NRG3: variants seen among roughly 807,000 people sequenced by gnomAD.
NRG3 encodes the protein pro-neuregulin-3, membrane-bound isoform.
In NRG3, 31 loss-of-function variants were observed where a neutral mutation model predicts 66.9. The observed-to-expected ratio is 0.46, with a 90% CI of 0.35 to 0.63. The LOEUF (loss-of-function observed/expected upper bound fraction) is 0.63, where lower values mean the gene tolerates loss of function less well. NRG3 is among the 20% of genes least tolerant of loss of function. NRG3 has a pLI of 0.00. For synonymous variants in NRG3, 393 were observed against 359.4 expected, an observed-to-expected ratio of 1.09 and a Z score of -1.06; for missense variants, 910 against 878.9, an observed-to-expected ratio of 1.04 and a Z score of -0.45.
At chr10:81,971,214 C>G (rs938862092) in intron 1 of NRG3, among the ~76,000 whole-genome samples, 1 of 152,146 alleles carries the variant, frequency 6.6e-6, no homozygotes. Context: ...AAGCTTCATG[C>G]GCTTCTTTGT....
At chr10:81,909,762 TCA>T (rs1309908050) in intron 1 of NRG3, among the ~76,000 whole-genome samples, 1 of 152,172 alleles carries the variant, frequency 6.6e-6, no homozygotes, top group African/African-American at 2.4e-5. Context: ...CAAAGCACTT[TCA>T]GTTTTTACAG....
chr10:82,925,320 G>C (rs1203681968), intron 4 of NRG3, among the ~76,000 whole-genome samples: 1 of 152,208 alleles, frequency 6.6e-6, no homozygotes, highest in African/African-American at 2.4e-5. Context: ...TCTGGAGCCA[G>C]ACTGCCTGTG....
intron 1 of NRG3, among the ~76,000 whole-genome samples, chr10:82,116,908 T>C (rs1360457078): frequency 6.6e-6 from 1 of 152,252 alleles, no homozygotes; most frequent in African/African-American, 2.4e-5. Context: ...GGAGCTTTGC[T>C]TTCATTATAG....
intron 4 of NRG3, among the ~76,000 whole-genome samples, chr10:82,910,336 AAACT>A (rs1475086386): frequency 6.6e-6 from 1 of 152,236 alleles, no homozygotes; most frequent in Non-Finnish European, 1.5e-5. Flanking sequence ...CCCCAGAAAG[AAACT>A]GACTACAGCT....
chr10:82,510,573 C>T (rs1243617014), intron 2 of NRG3, among the ~76,000 whole-genome samples: 1 of 152,156 alleles, frequency 6.6e-6, no homozygotes, highest in Admixed American at 6.5e-5. Context: ...TTAAAAGAAC[C>T]ATCAAGAAAT....
At chr10:82,957,426 G>A (rs1425712986) in intron 5 of NRG3, among the ~76,000 whole-genome samples, 1 of 151,846 alleles carries the variant, frequency 6.6e-6, no homozygotes, top group Non-Finnish European at 1.5e-5. Flanking sequence ...TGTCAGAGAC[G>A]TTGGAAGACA....
At chr10:82,970,826 A>G (rs556342329) in intron 6 of NRG3, among the ~76,000 whole-genome samples, 1 of 152,206 alleles carries the variant, frequency 6.6e-6, no homozygotes, top group Admixed American at 6.5e-5. Context: ...ATATAGTTTT[A>G]TAAAGGTTTT....
Position 81,951,485 on chromosome 10 carries a change from C to T in NRG3, c.823+75322C>T, listed in dbSNP as rs113469036. 3.9e-3 allele frequency among the ~76,000 whole-genome samples: 600 copies of T among 152,280 alleles called. 2 individuals are homozygous for T. The highest frequency in any genetic ancestry group is 0.014 in the African/African-American group (562 of 41,572). On this transcript the variant is annotated intron_variant, in intron 1 of 8. Transcript: ENST00000372141. ...TCCTACTGCTGAGCTTATACACACA[C>T]ACAGAATTTTCAAACCCAATGTGGC...
Position 82,105,398 on chromosome 10 carries a change from G to C in NRG3, c.823+229235G>C, listed in dbSNP as rs149656334. ...GGTATTATAAATTTCTCTCTAACTTGAGTTTGAGTAGTATCAGAGGTAGTG... is the reference window on the plus strand; with the variant it reads ...GGTATTATAAATTTCTCTCTAACTTCAGTTTGAGTAGTATCAGAGGTAGTG... On this transcript the variant is annotated intron_variant, in intron 1 of 8. Coordinates refer to ENST00000372141, the MANE Select transcript of NRG3 (RefSeq NM_001010848.4). 3.3e-5 allele frequency among the ~76,000 whole-genome samples: 5 copies of C among 152,258 alleles called. No homozygotes were observed. The East Asian group carries it at 9.7e-4, about 29-fold the overall frequency.
Position 82,324,826 on chromosome 10 carries a change from G to A in NRG3, c.824-33913G>A, listed in dbSNP as rs977348101. On this transcript the variant is annotated intron_variant, in intron 1 of 8. Coordinates refer to ENST00000372141, the MANE Select transcript of NRG3 (RefSeq NM_001010848.4). ...ATATTGAAACTTGTTTAATGAACCCGAATATGATCTATCCTAGTAAATGTG... is the reference window on the plus strand; with the variant it reads ...ATATTGAAACTTGTTTAATGAACCCAAATATGATCTATCCTAGTAAATGTG... 5.3e-5 allele frequency among the ~76,000 whole-genome samples: 8 copies of A among 152,240 alleles called. No individual in the cohort carries two copies. The East Asian group carries it at 7.7e-4, about 15-fold the overall frequency.
intron 1 of NRG3, among the ~76,000 whole-genome samples, chr10:82,185,264 C>A (rs757812177): frequency 3.3e-5 from 5 of 152,092 alleles, no homozygotes; most frequent in Admixed American, 6.6e-5. Context: ...TAGGAAGCTG[C>A]AAATGAAAAA....
intron 2 of NRG3, among the ~76,000 whole-genome samples, chr10:82,705,141 A>G (rs1375348617): frequency 6.6e-6 from 1 of 152,236 alleles, no homozygotes; most frequent in Admixed American, 6.5e-5. Context: ...AAAAAACTAT[A>G]GAAAAGGGAA....
At chr10:82,583,391 T>C (rs1458002991) in intron 2 of NRG3, among the ~76,000 whole-genome samples, 1 of 152,174 alleles carries the variant, frequency 6.6e-6, no homozygotes, top group Non-Finnish European at 1.5e-5. Flanking sequence ...CATTTTTCAC[T>C]GTTGAAAATT....
intron 4 of NRG3, among the ~76,000 whole-genome samples, chr10:82,895,486 CTTTT>C (rs57655284): frequency 2.3e-5 from 3 of 128,334 alleles, no homozygotes; most frequent in Non-Finnish European, 4.8e-5. Context: ...CAATAACATT[CTTTT>C]TTTTTTTTTT....
intron 1 of NRG3, among the ~76,000 whole-genome samples, chr10:82,064,367 T>C (rs2133263070): frequency 6.6e-6 from 1 of 151,544 alleles, no homozygotes; most frequent in Admixed American, 6.6e-5. Flanking sequence ...ATATCAAATA[T>C]ATATAAAAAT....
intron 1 of NRG3, among the ~76,000 whole-genome samples, chr10:82,138,877 C>T (rs1028254363): frequency 6.6e-6 from 1 of 152,080 alleles, no homozygotes; most frequent in Non-Finnish European, 1.5e-5. Flanking sequence ...CTCCTGCTTG[C>T]TTTATTCTAG....
At chr10:82,174,315 T>C (rs2072866638) in intron 1 of NRG3, among the ~76,000 whole-genome samples, 1 of 152,094 alleles carries the variant, frequency 6.6e-6, no homozygotes, top group Non-Finnish European at 1.5e-5. Context: ...TTTACCTTTA[T>C]CTCCCTTCAT....
At chr10:82,969,583 C>T (rs761116091) in intron 6 of NRG3, among the ~76,000 whole-genome samples, 4 of 152,290 alleles carry the variant, frequency 2.6e-5, no homozygotes, top group Non-Finnish European at 5.9e-5. Flanking sequence ...GTGAAAAATT[C>T]GGATTCTGGT....
intron 2 of NRG3, among the ~76,000 whole-genome samples, chr10:82,710,669 C>G (rs988183462): frequency 1.4e-5 from 2 of 145,050 alleles, no homozygotes; most frequent in Non-Finnish European, 3.0e-5. Flanking sequence ...TTCATTTATT[C>G]AATTATTAGC....
Sources: allele counts gnomAD v4.1 joint callset (sites outside exome capture counted in the v4.1 genomes callset), GRCh38; gene constraint gnomAD v4.1.1; transcripts MANE v1.5; gene names NCBI Gene and HGNC (gene_info 2026-07-23, HGNC 2026-07-21).